Variants in SERPINB4 observed in about 807,000 individuals in gnomAD.
The protein encoded by SERPINB4 is serpin family B member 4.
Under a neutral mutation model 33.2 loss-of-function variants are expected in SERPINB4, and 39 were observed. The observed-to-expected ratio is 1.18, with a 90% CI of 0.91 to 1.53. SERPINB4 has a LOEUF of 1.53. Ranked by LOEUF, SERPINB4 falls within the 40% of genes most tolerant of loss-of-function variation. The pLI, the probability that SERPINB4 is intolerant of heterozygous loss-of-function variation, is 0.00. For missense variants in SERPINB4, 564 were observed against 455.4 expected (o/e 1.24, Z -2.17); for synonymous variants, 191 against 166.4 (o/e 1.15, Z -1.14).
Position 63,643,141 on chromosome 18 carries a change from C to T in SERPINB4, c.222+20G>A, listed in dbSNP as rs746480771. Reference sequence around the variant, plus strand: ...CCTGTTCAGGGATCTAAAGCTGAACCATAGTGCTCTGTGACTCACATGATA... The same window carrying T: ...CCTGTTCAGGGATCTAAAGCTGAACTATAGTGCTCTGTGACTCACATGATA... On this transcript the variant is annotated intron_variant, in intron 3 of 7. Coordinates refer to ENST00000341074, the MANE Select transcript of SERPINB4 (RefSeq NM_002974.4). The T allele has an allele frequency of 6.2e-7, 1 of 1,613,070 alleles. No homozygotes were observed. Among genetic ancestry groups the T allele is most frequent in the Non-Finnish European group, 8.5e-7 (1 of 1,179,434 alleles).
In SERPINB4 at chr18:63,639,742, A is replaced by C. The variant is rs1568163384; in HGVS notation, c.504T>G (p.Ile168Met). The change falls in exon 6 of 8, where the codon ATT (isoleucine) becomes ATG (methionine). Residue 168 changes from isoleucine (I) to methionine (M), a missense_variant. Physicochemically the swap from Ile to Met is conservative, Grantham distance 10 (BLOSUM62 1). Coordinates refer to ENST00000341074, the MANE Select transcript of SERPINB4 (RefSeq NM_002974.4). ...CAAGAACCAGTGTCGTATCATTGCC[A>C]ATAGTCCCATCAGGAAATAGGTTTT... ...KIKNLFPDGT[I>M]GNDTTLVLVN... The C allele has an allele frequency of 6.2e-7, 1 of 1,611,858 alleles. No individual in the cohort carries two copies. Among genetic ancestry groups the C allele is most frequent in the Non-Finnish European group, 8.5e-7 (1 of 1,178,364 alleles).
In SERPINB4 at chr18:63,639,755, G is replaced by C; in HGVS notation, c.491C>G (p.Pro164Arg). Residue 164 changes from proline to arginine, a missense_variant, in exon 6 of 8, where the codon CCT becomes CGT. Physicochemically the swap from Pro to Arg is moderately radical, Grantham distance 103 (BLOSUM62 -2). Coordinates refer to ENST00000341074, the MANE Select transcript of SERPINB4 (RefSeq NM_002974.4). The stretch of plus-strand genomic sequence containing the variant: ...CGTATCATTGCCAATAGTCCCATCA[G>C]GAAATAGGTTTTTAATTTTTTCTGC... ...QTNEKIKNLF[P>R]DGTIGNDTTL... 6.2e-7 allele frequency: 1 copy of C among 1,610,168 alleles called. No individual in the cohort carries two copies. The highest frequency in any genetic ancestry group is 8.5e-7 in the Non-Finnish European group (1 of 1,178,128).
At chr18:63,639,902 T>A (rs956200571) in intron 5 of SERPINB4, 126 bp from the exon 6 acceptor site, 1 of 869,308 alleles carries the variant, frequency 1.2e-6, no homozygotes, top group African/African-American at 1.7e-5. Context: ...ACTCACTGAC[T>A]TTGATCTTTG....
intron 6 of SERPINB4, 135 bp downstream of exon 6, chr18:63,639,499 G>A (rs1421222662): frequency 3.0e-6 from 3 of 1,007,992 alleles, no homozygotes; most frequent in Non-Finnish European, 4.3e-6. Context: ...ACTAAATAAA[G>A]TTATAAGAGT....
chr18:63,640,239 T>C (rs1209067865), intron 5 of SERPINB4, among the ~76,000 whole-genome samples: 3 of 152,034 alleles, frequency 2.0e-5, no homozygotes. Flanking sequence ...GCATGTCCTG[T>C]GCTGTCAGAC....
In SERPINB4 at chr18:63,640,870, CT is replaced by C. The variant is rs1913103303; in HGVS notation, c.469+3del. ...GGTGTTTCTATAATGGGTGGCTCTC[CT>C]ACCATTCGTTTGACTTTCCACCCAG... On this transcript the variant is annotated splice_donor_region_variant and intron_variant, in intron 5 of 7. Coordinates refer to ENST00000341074, the MANE Select transcript of SERPINB4 (RefSeq NM_002974.4). 5.6e-6 allele frequency: 9 copies of C among 1,610,472 alleles called. No individual in the cohort carries two copies. The East Asian group carries it at 2.0e-4, about 36-fold the overall frequency.
chr18:63,638,416 A>T (rs1482467362), intron 7 of SERPINB4, among the ~76,000 whole-genome samples: 1 of 152,044 alleles, frequency 6.6e-6, no homozygotes, highest in East Asian at 1.9e-4. Flanking sequence ...CATGTAAAAT[A>T]TGATTACATT....
In SERPINB4 at chr18:63,643,408, G is replaced by C. The variant is rs576227803; in HGVS notation, c.165+5C>G. 46 of 1,613,620 alleles carry C rather than the reference G, an allele frequency of 2.9e-5. No individual in the cohort carries two copies. In the South Asian group the frequency reaches 4.9e-4, roughly 17 times the overall value. On this transcript the variant is annotated splice_donor_5th_base_variant and intron_variant, in intron 2 of 7. Coordinates refer to ENST00000341074, the MANE Select transcript of SERPINB4 (RefSeq NM_002974.4). Reference sequence around the variant, plus strand: ...ACAGGACAACGTAATGATGCTGATAGCTACCTTGCTAATTTGTTGTGCAGT... The same window carrying C: ...ACAGGACAACGTAATGATGCTGATACCTACCTTGCTAATTTGTTGTGCAGT...
Position 63,640,953 on chromosome 18 carries a change from A to G in SERPINB4, c.390T>C (p.Ser130=). ...CATTTGCAAAATCAGTAGATTCCAC[A>G]CTGGTCTGGTAAAATTTCTTGATGG... ...LDAIKKFYQT[S]VESTDFANAP... The change falls in exon 5 of 8, where the codon AGT becomes AGC. Residue 130 remains serine, a synonymous_variant. Transcript: ENST00000341074. The G allele has an allele frequency of 1.2e-6, 2 of 1,612,878 alleles. No homozygotes were observed. The highest frequency in any genetic ancestry group is 8.5e-7 in the Non-Finnish European group (1 of 1,179,254).
chr18:63,642,692 A>G (rs1913175375), intron 3 of SERPINB4, among the ~76,000 whole-genome samples: 1 of 152,146 alleles, frequency 6.6e-6, no homozygotes, highest in African/African-American at 2.4e-5. Flanking sequence ...AATGAAAATT[A>G]AATTATTTTC....
chr18:63,643,271 G>A (rs1163661518), intron 2 of SERPINB4, 54 bp from the exon 3 acceptor site: 22 of 1,612,480 alleles, frequency 1.4e-5, no homozygotes, highest in Non-Finnish European at 1.9e-5. Flanking sequence ...ATCTGTTTAA[G>A]TCAGTGGTCT....
intron 3 of SERPINB4, 25 bp from the exon 4 acceptor site, chr18:63,641,913 A>T (rs746598135): frequency 1.2e-6 from 2 of 1,611,398 alleles, no homozygotes; most frequent in Non-Finnish European, 8.5e-7. Flanking sequence ...AAGGGAGATC[A>T]TTCAATTGCT....
chr18:63,641,601 C>G (rs1913132332), intron 4 of SERPINB4, among the ~76,000 whole-genome samples, 159 bp downstream of exon 4: 1 of 152,072 alleles, frequency 6.6e-6, no homozygotes, highest in Non-Finnish European at 1.5e-5. Context: ...CTGGGACACT[C>G]CAGTGGGGGA....
At chr18:63,640,573 A>C (rs1188174123) in intron 5 of SERPINB4, among the ~76,000 whole-genome samples, 2 of 152,090 alleles carry the variant, frequency 1.3e-5, no homozygotes, top group Non-Finnish European at 2.9e-5. Context: ...AAAGTAAAGG[A>C]TATGATCTCA....
At position 63,641,068 on chromosome 18, in the gene SERPINB4, A is replaced by G. The variant is rs967298435; in HGVS notation, c.352-77T>C. On this transcript the variant is annotated intron_variant, in intron 4 of 7. Transcript: ENST00000341074. ...ATATTACCAAACTTACTTATTTGTA[A>G]CAACAGTAAGCTGAATCCAGACCCT... The G allele has an allele frequency of 2.9e-5, 36 of 1,245,656 alleles. No homozygotes were observed. The Admixed American group carries it at 3.9e-4, about 13-fold the overall frequency. The allele number at this position is 1,245,656 out of a possible 1,614,324, so 77.2% of individuals were successfully genotyped here.
In SERPINB4 at chr18:63,637,557, A is replaced by G. The variant is rs556190816; in HGVS notation, c.*162T>C. The G allele has an allele frequency of 8.0e-5, 57 of 710,484 alleles. No individual in the cohort carries two copies. Among genetic ancestry groups the G allele is most frequent in the Non-Finnish European group, 1.1e-4 (50 of 448,052 alleles). The allele number at this position is 710,484 out of a possible 1,614,324, so 44.0% of individuals were successfully genotyped here. ...GTGGGCTTATTAAGAGAAAGAGAGAAAGGCATGCTATTTTAATCATTAAAT... is the reference window on the plus strand; with the variant it reads ...GTGGGCTTATTAAGAGAAAGAGAGAGAGGCATGCTATTTTAATCATTAAAT... On this transcript the variant is annotated 3_prime_UTR_variant, in exon 8 of 8. Transcript: ENST00000341074.
rs146530530 is a variant in SERPINB4 at position 63,638,557 on chromosome 18, T to C, written c.769-434A>G. 2.1e-3 allele frequency among the ~76,000 whole-genome samples: 317 copies of C among 152,148 alleles called. 2 individuals carry two copies. The highest frequency in any genetic ancestry group is 0.014 in the South Asian group (66 of 4,812). On this transcript the variant is annotated intron_variant, in intron 7 of 7. Coordinates refer to ENST00000341074, the MANE Select transcript of SERPINB4 (RefSeq NM_002974.4). ...AGTACACATTGCAATTATTAAATTGTAATTCCCTAAATTCCTAAATTTGTA... is the reference window on the plus strand; with the variant it reads ...AGTACACATTGCAATTATTAAATTGCAATTCCCTAAATTCCTAAATTTGTA...
At position 63,637,701 on chromosome 18, in the gene SERPINB4, G is replaced by A. The variant is rs1201192612; in HGVS notation, c.*18C>T. On this transcript the variant is annotated 3_prime_UTR_variant, in exon 8 of 8. Coordinates refer to ENST00000341074, the MANE Select transcript of SERPINB4 (RefSeq NM_002974.4). The stretch of plus-strand genomic sequence containing the variant: ...TCTAGGTGAACATTTTCTAAATGGA[G>A]TGACAGACTAATTGCATCTATGGGG... 1 of 1,576,264 alleles carries A rather than the reference G, an allele frequency of 6.3e-7. No homozygotes were observed. The highest frequency in any genetic ancestry group is 8.6e-7 in the Non-Finnish European group (1 of 1,160,704).
At position 63,638,008 on chromosome 18, in the gene SERPINB4, A is replaced by T. The variant is rs372224580; in HGVS notation, c.884T>A (p.Leu295His). ...TCCCATGGTTCTCAACGTGTCCTTG[A>T]GGTCATAGCTCTCTTCCATTTTGAA... is the stretch of plus-strand genomic sequence containing the variant. ...PRFKMEESYD[L>H]KDTLRTMGMV... The change falls in exon 8 of 8, where the codon CTC becomes CAC. Residue 295 changes from leucine to histidine, a missense_variant. Transcript: ENST00000341074. 1.0e-4 allele frequency: 163 copies of T among 1,613,528 alleles called. 1 individual carries two copies. Among genetic ancestry groups the T allele is most frequent in the Non-Finnish European group, 1.3e-4 (157 of 1,179,776 alleles).
Sources: gnomAD v4.1 joint callset for allele counts (sites outside exome capture counted in the v4.1 genomes callset) on GRCh38, gnomAD v4.1.1 for gene constraint, MANE v1.5 for transcripts, NCBI Gene and HGNC (gene_info 2026-07-23, HGNC 2026-07-21) for gene names.